CAMTA1: variants seen among roughly 807,000 people sequenced by gnomAD.
CAMTA1 encodes calmodulin binding transcription activator 1.
CAMTA1 carries 27 observed loss-of-function variants against 170.9 expected under a neutral mutation model. That is an observed-to-expected ratio of 0.16 (90% confidence interval 0.12 to 0.22). The LOEUF (loss-of-function observed/expected upper bound fraction) is 0.22. CAMTA1 is among the 10% of genes least tolerant of loss of function. CAMTA1 has a pLI of 1.00. For synonymous variants in CAMTA1, 833 were observed against 891.5 expected (o/e 0.93, Z 1.17); for missense variants, 1,619 against 2,217.2 (o/e 0.73, Z 5.42).
chr1:7,751,742 C>T (rs1231420035), intron 20 of CAMTA1, among the ~76,000 whole-genome samples: 2 of 151,882 alleles, frequency 1.3e-5, no homozygotes, highest in Admixed American at 6.6e-5. Context: ...AAGTACAGCC[C>T]GCTGCCAGCA....
At chr1:7,184,469 G>A (rs1652848049) in intron 4 of CAMTA1, among the ~76,000 whole-genome samples, 2 of 152,090 alleles carry the variant, frequency 1.3e-5, no homozygotes, top group South Asian at 4.2e-4. Context: ...GTATCAAAAT[G>A]TCTTTGTACC....
At chr1:7,453,915 G>T (rs971384543) in intron 5 of CAMTA1, among the ~76,000 whole-genome samples, 1 of 152,244 alleles carries the variant, frequency 6.6e-6, no homozygotes, top group Non-Finnish European at 1.5e-5. Context: ...TGCATCCACT[G>T]TGGTGAGCTG....
chr1:7,708,447 A>G (rs778080972), intron 11 of CAMTA1, among the ~76,000 whole-genome samples: 5 of 152,148 alleles, frequency 3.3e-5, no homozygotes, highest in Non-Finnish European at 7.4e-5. Context: ...GCAGTGAGCC[A>G]TGATCATGCC....
At chr1:7,277,122 T>C (rs1670836957) in intron 5 of CAMTA1, among the ~76,000 whole-genome samples, 1 of 152,210 alleles carries the variant, frequency 6.6e-6, no homozygotes, top group South Asian at 2.1e-4. Context: ...CTCAGTGTTG[T>C]TAAGATGGCA....
At chr1:7,334,566 T>A (rs1284755175) in intron 5 of CAMTA1, among the ~76,000 whole-genome samples, 1 of 152,214 alleles carries the variant, frequency 6.6e-6, no homozygotes, top group African/African-American at 2.4e-5. Context: ...CTTCCGGGGC[T>A]TTGCATGTGT....
chr1:6,816,339 T>C (rs1467349524), intron 1 of CAMTA1, among the ~76,000 whole-genome samples: 4 of 152,182 alleles, frequency 2.6e-5, no homozygotes, highest in African/African-American at 7.2e-5. Context: ...CCCACTAGAA[T>C]GTATCTCCAA....
intron 6 of CAMTA1, among the ~76,000 whole-genome samples, chr1:7,548,670 A>G (rs1295715647): frequency 7.6e-6 from 1 of 131,406 alleles, no homozygotes; most frequent in Non-Finnish European, 1.6e-5. Flanking sequence ...TTAGGGGTGG[A>G]GATGCCCATG....
chr1:7,744,777 C>A, intron 16 of CAMTA1, 58 bp from the exon 17 acceptor site: 1 of 1,495,554 alleles, frequency 6.7e-7, no homozygotes, highest in Non-Finnish European at 9.1e-7. Flanking sequence ...GGAGGTAGAC[C>A]TGGATAACTT....
chr1:6,801,991 T>C (rs972432014), intron 1 of CAMTA1, among the ~76,000 whole-genome samples: 1 of 152,204 alleles, frequency 6.6e-6, no homozygotes, highest in African/African-American at 2.4e-5. Flanking sequence ...GGGGTTGATG[T>C]CAGGGAAGGT....
At position 7,742,863 on chromosome 1, in the gene CAMTA1, A is replaced by G. The variant is rs560582075; in HGVS notation, c.4183-1972A>G. On this transcript the variant is annotated intron_variant, in intron 16 of 22. Coordinates refer to ENST00000303635, the MANE Select transcript of CAMTA1 (RefSeq NM_015215.4). ...TTTTTTTTTGAGACAGAGTCTTGCT[A>G]TGTCACCCAGGCTGGAGTGCGGTGG... 2.0e-5 allele frequency among the ~76,000 whole-genome samples: 3 copies of G among 152,252 alleles called. 1 individual carries two copies. Among genetic ancestry groups the G allele is most frequent in the African/African-American group, 7.2e-5 (3 of 41,548 alleles).
chr1:7,340,544 G>GCCTTCCTCCCTC (rs772743867), intron 5 of CAMTA1, among the ~76,000 whole-genome samples: 1 of 105,426 alleles, frequency 9.5e-6, no homozygotes, highest in Non-Finnish European at 1.9e-5. Flanking sequence ...CTGCCTGCCT[G>GCCTTCCTCCCTC]CCTGCCTGCC....
At chr1:6,997,353 C>T (rs1282470661) in intron 3 of CAMTA1, among the ~76,000 whole-genome samples, 3 of 151,986 alleles carry the variant, frequency 2.0e-5, no homozygotes, top group African/African-American at 7.3e-5. Context: ...TTTTTGCAGC[C>T]CTGTCAGATG....
At chr1:7,702,530 C>T (rs1040650155) in intron 11 of CAMTA1, among the ~76,000 whole-genome samples, 1 of 152,136 alleles carries the variant, frequency 6.6e-6, no homozygotes, top group African/African-American at 2.4e-5. Flanking sequence ...TGGTCTCTTG[C>T]TCACAATCCA....
intron 1 of CAMTA1, among the ~76,000 whole-genome samples, chr1:6,801,576 A>G (rs1438112329): frequency 6.6e-6 from 1 of 152,260 alleles, no homozygotes; most frequent in Non-Finnish European, 1.5e-5. Flanking sequence ...GCTATGGCTA[A>G]TGGTGATACA....
intron 5 of CAMTA1, among the ~76,000 whole-genome samples, chr1:7,284,815 A>C (rs1458056644): frequency 6.6e-6 from 1 of 152,154 alleles, no homozygotes; most frequent in African/African-American, 2.4e-5. Flanking sequence ...GTAACTCAAC[A>C]ACTTCCTGAC....
At chr1:7,353,083 G>A (rs1044419344) in intron 5 of CAMTA1, among the ~76,000 whole-genome samples, 1 of 152,216 alleles carries the variant, frequency 6.6e-6, no homozygotes, top group Non-Finnish European at 1.5e-5. Context: ...TGGGAACCTC[G>A]GGGGTCAGCC....
At chr1:7,318,918 G>A (rs949974557) in intron 5 of CAMTA1, among the ~76,000 whole-genome samples, 1 of 152,248 alleles carries the variant, frequency 6.6e-6, no homozygotes, top group African/African-American at 2.4e-5. Flanking sequence ...GGGAAACCGG[G>A]AACATATGAA....
intron 5 of CAMTA1, among the ~76,000 whole-genome samples, chr1:7,343,393 C>T (rs538452431): frequency 3.0e-4 from 46 of 152,310 alleles, no homozygotes; most frequent in African/African-American, 1.1e-3. Flanking sequence ...TCTTGGCCAC[C>T]TCCGAGGCCA....
At chr1:7,648,837 T>C (rs1475525856) in intron 7 of CAMTA1, among the ~76,000 whole-genome samples, 1 of 152,224 alleles carries the variant, frequency 6.6e-6, no homozygotes, top group Admixed American at 6.5e-5. Context: ...GAGTTTTTTA[T>C]GAAGCTAGGT....
Sources: gnomAD v4.1 joint callset for allele counts (sites outside exome capture counted in the v4.1 genomes callset) on GRCh38, gnomAD v4.1.1 for gene constraint, MANE v1.5 for transcripts, NCBI Gene and HGNC (gene_info 2026-07-23, HGNC 2026-07-21) for gene names.